Variants in AKAP6 observed in about 807,000 individuals in gnomAD.
The protein encoded by AKAP6 is A-kinase anchoring protein 6.
A neutral mutation model predicts 188.5 loss-of-function variants in AKAP6; 58 were observed. That is an observed-to-expected ratio of 0.31 (90% CI 0.25 to 0.38). The LOEUF is 0.38. Among genes scored for constraint, AKAP6 ranks in the 10% least tolerant of loss-of-function variants. The pLI is 1.00. For missense variants in AKAP6, 2,710 were observed against 2,740.0 expected (o/e 0.99, Z 0.24); for synonymous variants, 989 against 998.6 (o/e 0.99, Z 0.18).
intron 5 of AKAP6, among the ~76,000 whole-genome samples, chr14:32,589,284 C>T (rs1042298040): frequency 2.6e-5 from 4 of 152,144 alleles, no homozygotes; most frequent in Non-Finnish European, 5.9e-5. Flanking sequence ...CCCCTTGATT[C>T]CCACCAGTTT....
chr14:32,734,512 T>C lies in AKAP6; in HGVS notation c.3148-1146T>C, dbSNP rs1280810225. The C allele has an allele frequency of 4.6e-5, 7 of 152,168 alleles. No homozygotes were observed. The South Asian group carries it at 1.2e-3, about 27-fold the overall frequency. The allele number at this position is 152,168 out of a possible 1,614,324, so 9.4% of individuals were successfully genotyped here. A position where few individuals can be genotyped will look rare whatever the true frequency, so the allele number is the denominator to read the frequency against. On this transcript the variant is annotated intron_variant, in intron 10 of 13. Transcript: ENST00000280979. ...ATTGATGTCCTCTGTCGTATATTTA[T>C]GAAGACGGACCATTCTCTGAAGTAT...
At chr14:32,416,436 C>A (rs544821313) in intron 1 of AKAP6, among the ~76,000 whole-genome samples, 72 of 152,244 alleles carry the variant, frequency 4.7e-4, no homozygotes, top group Middle Eastern at 3.4e-3. Flanking sequence ...TGATATTCAT[C>A]CCTTATCAGA....
At chr14:32,394,519 C>T (rs1413470631) in intron 1 of AKAP6, among the ~76,000 whole-genome samples, 3 of 152,112 alleles carry the variant, frequency 2.0e-5, no homozygotes, top group African/African-American at 4.8e-5. Context: ...TGCCGATGCA[C>T]GTGACAAATA....
intron 1 of AKAP6, among the ~76,000 whole-genome samples, chr14:32,403,972 T>C (rs1427535511): frequency 1.3e-5 from 2 of 152,224 alleles, no homozygotes; most frequent in Non-Finnish European, 2.9e-5. Flanking sequence ...AAGTTTTCTT[T>C]CTTGTGTTTG....
intron 7 of AKAP6, among the ~76,000 whole-genome samples, chr14:32,637,895 A>G (rs1182788095): frequency 6.6e-6 from 1 of 152,112 alleles, no homozygotes; most frequent in Non-Finnish European, 1.5e-5. Context: ...TATCACTTAC[A>G]CTGGAATTGT....
intron 2 of AKAP6, among the ~76,000 whole-genome samples, chr14:32,443,611 C>T (rs575465536): frequency 6.5e-4 from 99 of 152,232 alleles, no homozygotes; most frequent in Middle Eastern, 3.4e-3. Context: ...CTTGCTTGTT[C>T]CATTCATTCT....
intron 12 of AKAP6, among the ~76,000 whole-genome samples, chr14:32,805,055 G>T (rs969620772): frequency 6.6e-6 from 1 of 152,044 alleles, no homozygotes; most frequent in African/African-American, 2.4e-5. Flanking sequence ...CAATCAATTT[G>T]TACAGTTAAC....
At chr14:32,775,844 T>C (rs2033044220) in intron 12 of AKAP6, among the ~76,000 whole-genome samples, 1 of 152,208 alleles carries the variant, frequency 6.6e-6, no homozygotes, top group Non-Finnish European at 1.5e-5. Flanking sequence ...GAGAAAGGTG[T>C]TTCCTTTTGT....
chr14:32,636,158 G>T (rs1887477811), intron 7 of AKAP6, among the ~76,000 whole-genome samples: 1 of 152,026 alleles, frequency 6.6e-6, no homozygotes, highest in African/African-American at 2.4e-5. Flanking sequence ...AAAAATAACA[G>T]ATTTTGAAAT....
intron 11 of AKAP6, among the ~76,000 whole-genome samples, chr14:32,743,763 T>G (rs2031776554): frequency 6.6e-6 from 1 of 152,102 alleles, no homozygotes; most frequent in Non-Finnish European, 1.5e-5. Context: ...GTAGTTATTA[T>G]TTTTTTTTGG....
intron 2 of AKAP6, among the ~76,000 whole-genome samples, chr14:32,459,240 G>A (rs1891243333): frequency 6.6e-6 from 1 of 152,118 alleles, no homozygotes; most frequent in Non-Finnish European, 1.5e-5. Context: ...TGTGGGTAAG[G>A]GGGAGGCAAT....
At chr14:32,548,474 G>A (rs1483209761) in intron 4 of AKAP6, among the ~76,000 whole-genome samples, 3 of 151,266 alleles carry the variant, frequency 2.0e-5, no homozygotes, top group African/African-American at 4.9e-5. Context: ...GATTATTCTC[G>A]CTTTACAGAG....
intron 5 of AKAP6, among the ~76,000 whole-genome samples, chr14:32,595,905 TG>T (rs1885680161): frequency 6.6e-6 from 1 of 152,172 alleles, no homozygotes; most frequent in African/African-American, 2.4e-5. Context: ...ATAAGGATTG[TG>T]TATTGTTAAC....
intron 9 of AKAP6, among the ~76,000 whole-genome samples, chr14:32,721,389 T>C (rs1308610584): frequency 6.6e-6 from 1 of 152,206 alleles, no homozygotes; most frequent in Non-Finnish European, 1.5e-5. Context: ...TTGAGGGTGA[T>C]ATTTATCTTG....
intron 12 of AKAP6, among the ~76,000 whole-genome samples, chr14:32,803,777 A>G (rs2143973): frequency 0.26 from 39,720 of 152,104 alleles, 5,966 homozygotes; most frequent in African/African-American, 0.42. Context: ...ACAGCTCCAC[A>G]GCTCTACTGA....
intron 12 of AKAP6, among the ~76,000 whole-genome samples, chr14:32,815,040 C>A (rs2034343288): frequency 6.6e-6 from 1 of 152,214 alleles, no homozygotes; most frequent in Admixed American, 6.5e-5. Flanking sequence ...ACTGGACTCC[C>A]TTTTGTCCCT....
At chr14:32,569,389 T>C (rs1205701802) in intron 4 of AKAP6, among the ~76,000 whole-genome samples, 1 of 152,232 alleles carries the variant, frequency 6.6e-6, no homozygotes, top group Non-Finnish European at 1.5e-5. Flanking sequence ...ATCTTTGTTC[T>C]AAAAGCATAC....
At chr14:32,462,901 C>CAAAAAAAAAAAAAAAAAAAAA (rs71143943) in intron 2 of AKAP6, among the ~76,000 whole-genome samples, 1 of 8,834 alleles carries the variant, frequency 1.1e-4, no homozygotes, top group Non-Finnish European at 2.1e-4. Flanking sequence ...AAATGGAAAG[C>CAAAAAAAAAAAAAAAAAAAAA]AAAAAAAAAA....
chr14:32,656,517 T>G (rs984567212), intron 7 of AKAP6, among the ~76,000 whole-genome samples: 12 of 152,188 alleles, frequency 7.9e-5, no homozygotes, highest in African/African-American at 1.7e-4. Flanking sequence ...CTAAGATTTA[T>G]TCAGTCCTCA....
Sources: gnomAD v4.1 joint callset for allele counts (sites outside exome capture counted in the v4.1 genomes callset) on GRCh38, gnomAD v4.1.1 for gene constraint, MANE v1.5 for transcripts, NCBI Gene and HGNC (gene_info 2026-07-23, HGNC 2026-07-21) for gene names.